SPAG16: variants seen among roughly 807,000 people sequenced by gnomAD.
SPAG16 encodes sperm associated antigen 16.
SPAG16 carries 86 observed loss-of-function variants against 80.4 expected under a neutral mutation model. That is an observed-to-expected ratio of 1.07 (90% CI 0.90 to 1.28). The LOEUF is 1.28. Among genes scored for constraint, SPAG16 ranks in the 50% most tolerant of loss-of-function variants. The pLI, the probability that SPAG16 is intolerant of heterozygous loss-of-function variation, is 0.00. For missense variants in SPAG16, 870 were observed against 765.3 expected (o/e 1.14, Z -1.61); for synonymous variants, 294 against 265.9 (o/e 1.11, Z -1.03).
At chr2:213,605,130 G>A (rs2061210830) in intron 10 of SPAG16, among the ~76,000 whole-genome samples, 1 of 151,874 alleles carries the variant, frequency 6.6e-6, no homozygotes, top group African/African-American at 2.4e-5. Context: ...ATAATAAGAT[G>A]AACTTCTTGT....
At chr2:213,738,322 T>C (rs2067388167) in intron 10 of SPAG16, among the ~76,000 whole-genome samples, 1 of 152,180 alleles carries the variant, frequency 6.6e-6, no homozygotes, top group Non-Finnish European at 1.5e-5. Flanking sequence ...TACATACTTA[T>C]GATAAAATTT....
At position 214,247,032 on chromosome 2, in the gene SPAG16, C is replaced by G. The variant is rs115400573; in HGVS notation, c.1720+97766C>G. ...AAAATGTTTTTTAGTTTTAATTACA[C>G]CAAGACACAACACTGCATCATAGGA... On this transcript the variant is annotated intron_variant, in intron 15 of 15. Coordinates refer to ENST00000331683, the MANE Select transcript of SPAG16 (RefSeq NM_024532.5). 5.0e-3 allele frequency among the ~76,000 whole-genome samples: 764 copies of G among 152,140 alleles called. 5 individuals carry two copies. Among genetic ancestry groups the G allele is most frequent in the African/African-American group, 0.017 (723 of 41,528 alleles).
chr2:214,073,331 T>A (rs190356503), intron 13 of SPAG16, among the ~76,000 whole-genome samples: 87 of 151,352 alleles, frequency 5.7e-4, no homozygotes, highest in African/African-American at 2.0e-3. Context: ...CCAACTCCCC[T>A]GGTTCAAGCG....
chr2:214,159,370 A>G (rs1300163264), intron 15 of SPAG16, among the ~76,000 whole-genome samples: 1 of 152,016 alleles, frequency 6.6e-6, no homozygotes, highest in Non-Finnish European at 1.5e-5. Context: ...ATACTGCATG[A>G]CCCAAAGTCA....
chr2:214,143,622 A>C (rs1005320586), intron 14 of SPAG16, among the ~76,000 whole-genome samples: 28 of 152,132 alleles, frequency 1.8e-4, no homozygotes, highest in African/African-American at 6.5e-4. Flanking sequence ...TTTGTGAAAA[A>C]ATTCTTTTAA....
intron 15 of SPAG16, among the ~76,000 whole-genome samples, chr2:214,334,800 G>C (rs1021623435): frequency 9.9e-5 from 15 of 152,186 alleles, no homozygotes; most frequent in African/African-American, 3.4e-4. Flanking sequence ...CAATTGCAAA[G>C]CTTCAACATG....
chr2:214,241,649 G>A (rs1445548229), intron 15 of SPAG16, among the ~76,000 whole-genome samples: 1 of 152,056 alleles, frequency 6.6e-6, no homozygotes, highest in Non-Finnish European at 1.5e-5. Context: ...TGCATTCTAT[G>A]TTTAATTTTT....
chr2:214,136,085 AG>A (rs1408995437), intron 14 of SPAG16, among the ~76,000 whole-genome samples: 1 of 152,002 alleles, frequency 6.6e-6, no homozygotes, highest in African/African-American at 2.4e-5. Flanking sequence ...AGGAAGAGAG[AG>A]GGGGTAGTGC....
At chr2:213,754,662 C>T (rs987548891) in intron 10 of SPAG16, among the ~76,000 whole-genome samples, 6 of 55,058 alleles carry the variant, frequency 1.1e-4, no homozygotes, top group East Asian at 1.3e-3. Flanking sequence ...ATGAAACCTA[C>T]GATAGTCTTA....
chr2:214,034,465 T>C (rs66892769), intron 13 of SPAG16, among the ~76,000 whole-genome samples: 43,839 of 152,198 alleles, frequency 0.29, 6,754 homozygotes, highest in Non-Finnish European at 0.33. Flanking sequence ...TTGGGCCTGC[T>C]GGGCCAACTC....
chr2:213,949,817 A>C (rs1447806810), intron 12 of SPAG16, among the ~76,000 whole-genome samples: 1 of 152,232 alleles, frequency 6.6e-6, no homozygotes, highest in African/African-American at 2.4e-5. Flanking sequence ...CTGGTAAGGA[A>C]TTGTGAAGCA....
intron 10 of SPAG16, among the ~76,000 whole-genome samples, chr2:213,656,499 A>G (rs1044918240): frequency 1.3e-5 from 2 of 152,180 alleles, no homozygotes; most frequent in Non-Finnish European, 2.9e-5. Flanking sequence ...CACTCATGGG[A>G]TAGATTTGCA....
At chr2:213,949,173 T>G (rs1329156828) in intron 12 of SPAG16, among the ~76,000 whole-genome samples, 1 of 16,698 alleles carries the variant, frequency 6.0e-5, no homozygotes, top group East Asian at 2.2e-3. Flanking sequence ...ACAACAGTTT[T>G]TTTTTTTTTT....
chr2:214,171,264 A>G (rs1417981415), intron 15 of SPAG16, among the ~76,000 whole-genome samples: 1 of 151,932 alleles, frequency 6.6e-6, no homozygotes, highest in Non-Finnish European at 1.5e-5. Flanking sequence ...CTTAATTATC[A>G]TGGCAAAAAT....
At chr2:214,227,796 C>T (rs1688380938) in intron 15 of SPAG16, among the ~76,000 whole-genome samples, 1 of 150,888 alleles carries the variant, frequency 6.6e-6, no homozygotes, top group Non-Finnish European at 1.5e-5. Flanking sequence ...TCCCCTTAGA[C>T]AAATCTCAGT....
chr2:214,390,341 TA>T (rs756833750), intron 15 of SPAG16, among the ~76,000 whole-genome samples: 228 of 125,452 alleles, frequency 1.8e-3, no homozygotes, highest in African/African-American at 4.7e-3. Context: ...CTTTTTTTTT[TA>T]AAAAAAAAAA....
intron 15 of SPAG16, among the ~76,000 whole-genome samples, chr2:214,389,856 A>G (rs897096563): frequency 1.3e-5 from 2 of 152,176 alleles, no homozygotes; most frequent in Non-Finnish European, 2.9e-5. Context: ...ATTCCATCAT[A>G]TCATTGACAT....
intron 10 of SPAG16, among the ~76,000 whole-genome samples, chr2:213,632,419 G>A (rs537432119): frequency 6.6e-6 from 1 of 152,222 alleles, no homozygotes; most frequent in East Asian, 1.9e-4. Context: ...CTGAAAACAA[G>A]GATAATTTGA....
Position 213,518,018 on chromosome 2 carries a change from A to T in SPAG16, c.1070+27928A>T, listed in dbSNP as rs539765119. 1.7e-3 allele frequency among the ~76,000 whole-genome samples: 266 copies of T among 152,300 alleles called. 1 individual carries two copies. Among genetic ancestry groups the T allele is most frequent in the African/African-American group, 6.2e-3 (258 of 41,554 alleles). On this transcript the variant is annotated intron_variant, in intron 10 of 15. Transcript: ENST00000331683. ...GAAATTATCAATAAACTAGATAGAC[A>T]CCCTACAGAATGGGAGCAAATATTC... is the stretch of plus-strand genomic sequence containing the variant.
Sources: allele counts gnomAD v4.1 joint callset (sites outside exome capture counted in the v4.1 genomes callset), GRCh38; gene constraint gnomAD v4.1.1; transcripts MANE v1.5; gene names NCBI Gene and HGNC (gene_info 2026-07-23, HGNC 2026-07-21).